SRBD1: variants seen among roughly 807,000 people sequenced by gnomAD.
SRBD1 encodes S1 RNA binding domain 1.
In SRBD1, 88 loss-of-function variants were observed where a neutral mutation model predicts 115.3. The ratio of observed to expected loss-of-function variants is 0.76; its 90% CI spans 0.64 to 0.91. The LOEUF is 0.91. Among genes scored for constraint, SRBD1 ranks in the 40% least tolerant of loss-of-function variants. The probability of loss-of-function intolerance (pLI) is 0.00; values close to 1 mark genes in which losing one functional copy is unlikely to be tolerated. For missense variants in SRBD1, 1,385 were observed against 1,177.4 expected (o/e 1.18, Z -2.58); for synonymous variants, 509 against 407.7 (o/e 1.25, Z -2.99).
At chr2:45,445,778 A>G (rs1434288640) in intron 16 of SRBD1, among the ~76,000 whole-genome samples, 1 of 152,158 alleles carries the variant, frequency 6.6e-6, no homozygotes, top group Non-Finnish European at 1.5e-5. Context: ...AAACGTTTTC[A>G]TCTCAACAGA....
At chr2:45,546,989 C>T in intron 13 of SRBD1, 150 bp from the exon 14 acceptor site, 1 of 721,628 alleles carries the variant, frequency 1.4e-6, no homozygotes, top group Admixed American at 2.3e-5. Flanking sequence ...ATAAGGAAAA[C>T]ACAGACTTAT....
At chr2:45,408,099 G>A (rs551528217) in intron 19 of SRBD1, among the ~76,000 whole-genome samples, 34 of 152,250 alleles carry the variant, frequency 2.2e-4, no homozygotes, top group Admixed American at 7.2e-4. Context: ...ATAGTTTTCT[G>A]ACATAATTAA....
chr2:45,409,329 T>G (rs1409138574), intron 19 of SRBD1, among the ~76,000 whole-genome samples: 1 of 151,808 alleles, frequency 6.6e-6, no homozygotes, highest in African/African-American at 2.4e-5. Context: ...TTGCAAGAAG[T>G]CTATGAATCC....
intron 14 of SRBD1, among the ~76,000 whole-genome samples, chr2:45,509,965 G>A (rs1355702556): frequency 1.3e-5 from 2 of 152,142 alleles, no homozygotes; most frequent in Non-Finnish European, 2.9e-5. Context: ...AAACTCCTGA[G>A]CTCAAGTGAT....
At chr2:45,394,809 G>A (rs1267965382) in intron 19 of SRBD1, among the ~76,000 whole-genome samples, 2 of 152,188 alleles carry the variant, frequency 1.3e-5, no homozygotes. Flanking sequence ...TAATTCTCTT[G>A]AGAATGTATT....
chr2:45,542,359 C>T (rs566060671), intron 14 of SRBD1, among the ~76,000 whole-genome samples: 2 of 152,324 alleles, frequency 1.3e-5, no homozygotes, highest in African/African-American at 4.8e-5. Flanking sequence ...GAAGGGGCAT[C>T]GCAGGCCCCT....
chr2:45,554,708 G>C (rs1255120360), intron 10 of SRBD1, among the ~76,000 whole-genome samples: 1 of 152,036 alleles, frequency 6.6e-6, no homozygotes, highest in African/African-American at 2.4e-5. Context: ...GGAAAGAAAG[G>C]AGGGCTAGAA....
chr2:45,490,957 T>C (rs1670273780), intron 14 of SRBD1, among the ~76,000 whole-genome samples: 1 of 151,616 alleles, frequency 6.6e-6, no homozygotes, highest in Admixed American at 6.6e-5. Flanking sequence ...TCAGCATAGA[T>C]CAGAAATCTT....
chr2:45,488,802 A>G (rs1047983666), intron 14 of SRBD1, among the ~76,000 whole-genome samples: 1 of 152,170 alleles, frequency 6.6e-6, no homozygotes, highest in African/African-American at 2.4e-5. Context: ...ATACAAAAAA[A>G]CCACCATCAT....
At chr2:45,406,189 C>G (rs1667432102) in intron 19 of SRBD1, among the ~76,000 whole-genome samples, 1 of 152,048 alleles carries the variant, frequency 6.6e-6, no homozygotes, top group Admixed American at 6.6e-5. Flanking sequence ...CAGCAGCAAC[C>G]TGGCAGAAGT....
At chr2:45,551,724 A>C (rs1428441473) in intron 11 of SRBD1, among the ~76,000 whole-genome samples, 1 of 152,198 alleles carries the variant, frequency 6.6e-6, no homozygotes, top group South Asian at 2.1e-4. Flanking sequence ...TTCGTATGCT[A>C]AAGTAAAAAG....
intron 18 of SRBD1, among the ~76,000 whole-genome samples, chr2:45,413,708 A>T (rs2103859096): frequency 6.6e-6 from 1 of 152,218 alleles, no homozygotes; most frequent in East Asian, 1.9e-4. Flanking sequence ...CAGGCAGATC[A>T]CCTGAGGTCA....
At chr2:45,438,345 T>C (rs2103699009) in intron 16 of SRBD1, among the ~76,000 whole-genome samples, 1 of 152,222 alleles carries the variant, frequency 6.6e-6, no homozygotes, top group Middle Eastern at 3.4e-3. Context: ...GTAATAAAAC[T>C]AGCTAGACAT....
At chr2:45,599,351 G>T (rs981891101) in intron 4 of SRBD1, 98 bp downstream of exon 4, 2 of 1,481,186 alleles carry the variant, frequency 1.4e-6, no homozygotes, top group Non-Finnish European at 1.8e-6. Context: ...AGAGAGAATT[G>T]AAAACCCCCA....
intron 14 of SRBD1, among the ~76,000 whole-genome samples, chr2:45,538,121 G>A (rs1248946600): frequency 6.6e-6 from 1 of 152,170 alleles, no homozygotes; most frequent in Non-Finnish European, 1.5e-5. Context: ...CAGGGCGAGA[G>A]AAGGAAAGCC....
At chr2:45,419,992 C>A in intron 16 of SRBD1, 98 bp from the exon 17 acceptor site, 1 of 1,076,538 alleles carries the variant, frequency 9.3e-7, no homozygotes, top group Admixed American at 1.8e-5. Context: ...CTAACACACA[C>A]CATGGTAAAT....
At chr2:45,495,527 CCT>C (rs1014381525) in intron 14 of SRBD1, among the ~76,000 whole-genome samples, 8 of 151,940 alleles carry the variant, frequency 5.3e-5, no homozygotes, top group East Asian at 1.9e-4. Flanking sequence ...TTTCAAAATC[CCT>C]CTTTTATCTT....
At chr2:45,605,117 T>C (rs779778012) in intron 2 of SRBD1, among the ~76,000 whole-genome samples, 3 of 152,240 alleles carry the variant, frequency 2.0e-5, no homozygotes, top group Non-Finnish European at 2.9e-5. Context: ...ATGGAGCTTA[T>C]ATTCTAGTGT....
intron 1 of SRBD1, among the ~76,000 whole-genome samples, chr2:45,606,185 G>A (rs1415856694): frequency 1.6e-5 from 2 of 126,754 alleles, no homozygotes; most frequent in African/African-American, 6.0e-5. Flanking sequence ...TTGAGACAGA[G>A]TTTCGCTCTT....
Sources: gnomAD v4.1 joint callset for allele counts (sites outside exome capture counted in the v4.1 genomes callset) on GRCh38, gnomAD v4.1.1 for gene constraint, MANE v1.5 for transcripts, NCBI Gene and HGNC (gene_info 2026-07-23, HGNC 2026-07-21) for gene names.